ZSCAN25: variants seen among roughly 807,000 people sequenced by gnomAD.
ZSCAN25 encodes the protein zinc finger and SCAN domain containing 25, also known as zinc finger and SCAN domain-containing protein 25.
Under a neutral mutation model 38.7 loss-of-function variants are expected in ZSCAN25, and 27 were observed. The observed-to-expected ratio is 0.70, with a 90% confidence interval of 0.51 to 0.96. The LOEUF is 0.96. Ranked by LOEUF, ZSCAN25 falls within the 40% of genes least tolerant of loss-of-function variation. The pLI is 0.00. For missense variants in ZSCAN25, 637 were observed against 705.9 expected (o/e 0.90, Z 1.11); for synonymous variants, 273 against 277.7 (o/e 0.98, Z 0.17).
At chr7:99,707,681 T>C in the ZSCAN25 span, 1 of 1,439,964 alleles carries the variant, frequency 6.9e-7, no homozygotes, top group Non-Finnish European at 9.5e-7. Context: ...CATAGATGGG[T>C]CCAAATAGAT....
At chr7:99,696,446 A>T in the ZSCAN25 span, among the ~76,000 whole-genome samples, 1 of 152,180 alleles carries the variant, frequency 6.6e-6, no homozygotes, top group Admixed American at 6.5e-5. Flanking sequence ...GAGGAGTCAC[A>T]GAGTCCTTAT....
intron 3 of ZSCAN25, 141 bp from the exon 4 acceptor site, chr7:99,619,420 G>A: frequency 1.5e-6 from 1 of 645,908 alleles, no homozygotes; most frequent in Non-Finnish European, 2.6e-6. Context: ...ATGTTGAATT[G>A]ACCTGACTTT....
chr7:99,666,370 T>C, the ZSCAN25 span, among the ~76,000 whole-genome samples: 1 of 152,112 alleles, frequency 6.6e-6, no homozygotes, highest in Non-Finnish European at 1.5e-5. Flanking sequence ...TGGTGACAAG[T>C]TAACAGATAA....
At chr7:99,679,360 AG>A in the ZSCAN25 span, among the ~76,000 whole-genome samples, 57 of 152,214 alleles carry the variant, frequency 3.7e-4, 1 homozygote, top group Non-Finnish European at 2.2e-4. Flanking sequence ...CCAGGTCTAC[AG>A]GGGCAATACA....
At chr7:99,692,207 A>G in the ZSCAN25 span, among the ~76,000 whole-genome samples, 1 of 152,212 alleles carries the variant, frequency 6.6e-6, no homozygotes, top group South Asian at 2.1e-4. Context: ...TTCCCTAAGT[A>G]TGTTGAATAT....
chr7:99,735,156 C>T, the ZSCAN25 span: 3 of 1,600,076 alleles, frequency 1.9e-6, no homozygotes, highest in African/African-American at 4.0e-5. Flanking sequence ...CTGCTGTTTG[C>T]TGGGCTGTGT....
the ZSCAN25 span, chr7:99,720,190 G>A: frequency 1.4e-4 from 175 of 1,207,678 alleles, 1 homozygote; most frequent in Non-Finnish European, 1.9e-4. Context: ...GGATGGGCAG[G>A]ATGAAGTGTA....
At chr7:99,651,446 G>A in the ZSCAN25 span, among the ~76,000 whole-genome samples, 2 of 152,136 alleles carry the variant, frequency 1.3e-5, no homozygotes, top group Non-Finnish European at 2.9e-5. Context: ...CTCTGATTTC[G>A]TATTAGTGCA....
downstream of ZSCAN25, among the ~76,000 whole-genome samples, chr7:99,636,067 A>AG (rs1436815812): frequency 2.0e-5 from 3 of 151,284 alleles, no homozygotes; most frequent in African/African-American, 7.3e-5. Flanking sequence ...AAAAAAAAAA[A>AG]AAAGATTTAA....
the ZSCAN25 span, chr7:99,665,113 G>A: frequency 2.8e-6 from 4 of 1,414,972 alleles, no homozygotes; most frequent in South Asian, 3.9e-5. Flanking sequence ...TGAATTATAT[G>A]TCAAGAAAGC....
At chr7:99,717,452 T>C in the ZSCAN25 span, 3 of 1,596,964 alleles carry the variant, frequency 1.9e-6, no homozygotes, top group East Asian at 4.5e-5. Flanking sequence ...AAAGGAACTC[T>C]GATCTTACTT....
At chr7:99,736,995 G>C in the ZSCAN25 span, among the ~76,000 whole-genome samples, 1 of 152,176 alleles carries the variant, frequency 6.6e-6, no homozygotes, top group Non-Finnish European at 1.5e-5. Context: ...CCTACAGAGA[G>C]GTACCTAAGA....
the ZSCAN25 span, chr7:99,715,730 A>T: frequency 6.2e-7 from 1 of 1,613,318 alleles, no homozygotes; most frequent in African/African-American, 1.3e-5. Flanking sequence ...AGAGAGAGGG[A>T]GAGAAAAGGA....
chr7:99,653,966 G>T, the ZSCAN25 span, among the ~76,000 whole-genome samples: 1 of 152,170 alleles, frequency 6.6e-6, no homozygotes, highest in Non-Finnish European at 1.5e-5. This position sits in a 1 kb window ranked among gnomAD's most constrained non-coding sequence, Gnocchi z 4.2. Context: ...CGCGCCCCCA[G>T]GGCCAGGCTA....
chr7:99,666,582 T>G, the ZSCAN25 span: 2 of 1,611,712 alleles, frequency 1.2e-6, no homozygotes, highest in African/African-American at 2.7e-5. Context: ...CAGAACCCCA[T>G]GGCTGTGCTC....
the ZSCAN25 span, chr7:99,695,825 G>A: frequency 6.2e-7 from 1 of 1,613,600 alleles, no homozygotes; most frequent in Non-Finnish European, 8.5e-7. Context: ...AAGTCCATGT[G>A]AATGGGCTCC....
chr7:99,632,247 G>A lies in ZSCAN25; in HGVS notation c.*2227G>A, dbSNP rs1808058603. 1.0e-6 allele frequency: 1 copy of A among 984,588 alleles called. No homozygotes were observed. The highest frequency in any genetic ancestry group is 1.2e-6 in the Non-Finnish European group (1 of 829,380). 61.0% of individuals were successfully genotyped at this position (984,588 alleles called of 1,614,324 possible). ...AGGGGGTTTTTCCCATGGGATTGTG[G>A]TAGTCTGATTTTTCATATCTATTCA... On this transcript the variant is annotated 3_prime_UTR_variant, in exon 8 of 8. Transcript: ENST00000394152.
chr7:99,648,008 G>T, the ZSCAN25 span: 6 of 985,284 alleles, frequency 6.1e-6, no homozygotes, highest in Non-Finnish European at 7.2e-6. Context: ...TCTCTGATGA[G>T]AGCTCAGGAG....
rs1183970878 is a variant in ZSCAN25, at chr7:99,629,171, T to C, written c.806-20T>C. On this transcript the variant is annotated intron_variant, in intron 7 of 7. Coordinates refer to ENST00000394152, the MANE Select transcript of ZSCAN25 (RefSeq NM_145115.3). This position sits in a 1 kb window ranked among gnomAD's most constrained non-coding sequence, Gnocchi z 5.6. ...CTGCGGCTACCACAGAATCAATCTTTATCTCCTCCTGTCCTGTAGGCGGTG... is the reference window on the plus strand; with the variant it reads ...CTGCGGCTACCACAGAATCAATCTTCATCTCCTCCTGTCCTGTAGGCGGTG... 2 of 1,573,494 alleles carry C rather than the reference T, an allele frequency of 1.3e-6. No homozygotes were observed. The highest frequency in any genetic ancestry group is 2.7e-5 in the African/African-American group (2 of 73,128).
Sources: allele counts gnomAD v4.1 joint callset (sites outside exome capture counted in the v4.1 genomes callset), GRCh38; gene constraint gnomAD v4.1.1; non-coding constraint Gnocchi (gnomAD v3.1); transcripts MANE v1.5; gene names NCBI Gene and HGNC (gene_info 2026-07-23, HGNC 2026-07-21).